Variants in CCDC148 observed in about 807,000 individuals in gnomAD.
The protein encoded by CCDC148 is coiled-coil domain containing 148, also known as coiled-coil domain-containing protein 148.
CCDC148 carries 89 observed loss-of-function variants against 85.7 expected under a neutral mutation model. That is an observed-to-expected ratio of 1.04 (90% CI 0.87 to 1.24). The LOEUF (loss-of-function observed/expected upper bound fraction) is 1.24, where lower values mean the gene tolerates loss of function less well. CCDC148 is among the 50% of genes most tolerant of loss of function. The pLI, the probability that CCDC148 is intolerant of heterozygous loss-of-function variation, is 0.00. For synonymous variants in CCDC148, 230 were observed against 213.9 expected, an observed-to-expected ratio of 1.08 and a Z score of -0.66; for missense variants, 692 against 671.7, an observed-to-expected ratio of 1.03 and a Z score of -0.33.
intron 9 of CCDC148, among the ~76,000 whole-genome samples, chr2:158,300,829 T>C (rs1006169041): frequency 1.4e-4 from 22 of 152,234 alleles, no homozygotes; most frequent in African/African-American, 5.3e-4. Flanking sequence ...TGAGATGGTA[T>C]CATTAGGGAA....
chr2:158,451,735 C>A (rs547383288), intron 1 of CCDC148, among the ~76,000 whole-genome samples: 1 of 151,954 alleles, frequency 6.6e-6, no homozygotes, highest in Admixed American at 6.6e-5. Flanking sequence ...TTTTGCCTAA[C>A]TCAGGTTGGC....
chr2:158,290,885 T>C (rs1334458889), intron 9 of CCDC148, among the ~76,000 whole-genome samples: 1 of 152,170 alleles, frequency 6.6e-6, no homozygotes, highest in Non-Finnish European at 1.5e-5. Flanking sequence ...AAACCTTTCA[T>C]TTCTTTCAAT....
At chr2:158,276,235 A>G (rs1189963013) in intron 9 of CCDC148, among the ~76,000 whole-genome samples, 1 of 152,132 alleles carries the variant, frequency 6.6e-6, no homozygotes, top group Non-Finnish European at 1.5e-5. Flanking sequence ...GTTCAAGACC[A>G]GCCTGGCCAA....
At chr2:158,175,923 A>G (rs1303447335) in intron 13 of CCDC148, among the ~76,000 whole-genome samples, 1 of 151,812 alleles carries the variant, frequency 6.6e-6, no homozygotes, top group Non-Finnish European at 1.5e-5. Context: ...CCATCCCTCA[A>G]TCCATCCATC....
chr2:158,338,388 G>C (rs1682495927), intron 7 of CCDC148, among the ~76,000 whole-genome samples: 1 of 152,088 alleles, frequency 6.6e-6, no homozygotes, highest in Admixed American at 6.6e-5. Context: ...ATTTTCCATT[G>C]TATCAATTAC....
At chr2:158,326,579 A>G (rs970456055) in intron 7 of CCDC148, among the ~76,000 whole-genome samples, 1 of 152,122 alleles carries the variant, frequency 6.6e-6, no homozygotes, top group Non-Finnish European at 1.5e-5. Flanking sequence ...TTGGCTGTTC[A>G]CCATTCAATT....
chr2:158,378,902 G>A (rs1684760685), intron 1 of CCDC148, among the ~76,000 whole-genome samples: 1 of 152,220 alleles, frequency 6.6e-6, no homozygotes, highest in Non-Finnish European at 1.5e-5. Flanking sequence ...AGCTCTGAAG[G>A]AGATGTACAG....
At chr2:158,208,848 A>C (rs1460568952) in intron 11 of CCDC148, among the ~76,000 whole-genome samples, 1 of 152,142 alleles carries the variant, frequency 6.6e-6, no homozygotes, top group Admixed American at 6.5e-5. Flanking sequence ...GTTGCTTGTA[A>C]GCTAAAACCT....
rs1047031927 is a variant in CCDC148 at position 158,361,527 on chromosome 2, C to T, written c.26-2957G>A. On this transcript the variant is annotated intron_variant, in intron 1 of 13. Transcript: ENST00000283233. ...ACAGTGGGGGCCAATATTCAACATT[C>T]TTAAAGAAAAGAATTTTCAACCCAG... Among the ~76,000 whole-genome samples the T allele has an allele frequency of 1.1e-4, 17 of 152,250 alleles. 1 individual carries two copies. Among genetic ancestry groups the T allele is most frequent in the Admixed American group, 8.5e-4 (13 of 15,296 alleles).
At chr2:158,406,613 C>CTTTTTTTTTCTGTTTTTTTTTTTTTTTT (rs1559124447) in intron 1 of CCDC148, among the ~76,000 whole-genome samples, 3 of 31,450 alleles carry the variant, frequency 9.5e-5, no homozygotes, top group Admixed American at 4.7e-4. Flanking sequence ...GATTAAATTT[C>CTTTTTTTTTCTGTTTTTTTTTTTTTTTT]TTTTTTTTTT....
intron 7 of CCDC148, among the ~76,000 whole-genome samples, chr2:158,322,452 G>C (rs1692565535): frequency 6.6e-6 from 1 of 151,650 alleles, no homozygotes. Context: ...TATGTGTATA[G>C]TTTTTTTTCA....
At chr2:158,271,077 T>C (rs764167602) in intron 9 of CCDC148, among the ~76,000 whole-genome samples, 23 of 152,320 alleles carry the variant, frequency 1.5e-4, no homozygotes, top group Admixed American at 4.6e-4. Context: ...ATTTGTAACA[T>C]AGTGCCTTTG....
intron 11 of CCDC148, among the ~76,000 whole-genome samples, chr2:158,217,961 T>C (rs1686979425): frequency 6.6e-6 from 1 of 152,228 alleles, no homozygotes; most frequent in African/African-American, 2.4e-5. Context: ...TATGCAGTTA[T>C]GAAAGAAGAC....
At chr2:158,435,196 T>C (rs1478569250) in intron 1 of CCDC148, among the ~76,000 whole-genome samples, 1 of 151,786 alleles carries the variant, frequency 6.6e-6, no homozygotes, top group African/African-American at 2.4e-5. Flanking sequence ...AAGGTGGAAA[T>C]GAAGGAAAAA....
At chr2:158,207,175 C>T (rs1178098082) in intron 11 of CCDC148, among the ~76,000 whole-genome samples, 2 of 152,216 alleles carry the variant, frequency 1.3e-5, no homozygotes, top group Non-Finnish European at 2.9e-5. Flanking sequence ...AGTCCATTAA[C>T]TGTGTAGAAG....
chr2:158,226,733 A>G (rs939741540), intron 10 of CCDC148, among the ~76,000 whole-genome samples: 8 of 152,194 alleles, frequency 5.3e-5, no homozygotes, highest in Non-Finnish European at 7.3e-5. Context: ...GATGCAGAAA[A>G]GGCCTTTGAC....
chr2:158,403,084 A>G (rs534936960), intron 1 of CCDC148, among the ~76,000 whole-genome samples: 1 of 152,276 alleles, frequency 6.6e-6, no homozygotes, highest in East Asian at 1.9e-4. Flanking sequence ...AAAGGTCTGA[A>G]GATGCAGAAG....
At chr2:158,205,936 A>G (rs1393598663) in intron 11 of CCDC148, among the ~76,000 whole-genome samples, 1 of 152,170 alleles carries the variant, frequency 6.6e-6, no homozygotes, top group Non-Finnish European at 1.5e-5. Context: ...AGAGACCCTC[A>G]GGGTTCTGCA....
At chr2:158,223,237 G>C (rs1036835532) in intron 10 of CCDC148, among the ~76,000 whole-genome samples, 5 of 152,172 alleles carry the variant, frequency 3.3e-5, no homozygotes, top group African/African-American at 1.2e-4. Context: ...AGCAGTCTTA[G>C]ATCAAACTGC....
Sources: allele counts gnomAD v4.1 joint callset (sites outside exome capture counted in the v4.1 genomes callset), GRCh38; gene constraint gnomAD v4.1.1; transcripts MANE v1.5; gene names NCBI Gene and HGNC (gene_info 2026-07-23, HGNC 2026-07-21).